Variants in TMEM272 observed in about 807,000 individuals in gnomAD.
TMEM272 encodes the protein long intergenic non-protein coding RNA 282.
TMEM272 carries 8 observed loss-of-function variants against 3.7 expected under a neutral mutation model. That is an observed-to-expected ratio of 2.17 (90% confidence interval 1.27 to 3.91). The LOEUF (loss-of-function observed/expected upper bound fraction) is 3.91, where lower values mean the gene tolerates loss of function less well. TMEM272 is among the 30% of genes most tolerant of loss of function. The probability of loss-of-function intolerance (pLI) is 0.00; values close to 1 mark genes in which losing one functional copy is unlikely to be tolerated. For synonymous variants in TMEM272, 63 were observed against 39.8 expected, an observed-to-expected ratio of 1.58 and a Z score of -2.20; for missense variants, 166 against 91.5, an observed-to-expected ratio of 1.81 and a Z score of -3.32.
chr13:51,917,209 G>A, the TMEM272 span, among the ~76,000 whole-genome samples: 1 of 152,218 alleles, frequency 6.6e-6, no homozygotes, highest in Non-Finnish European at 1.5e-5. Context: ...TGACTTGCCA[G>A]TGGACCAGCG....
At chr13:51,888,237 T>G in the TMEM272 span, among the ~76,000 whole-genome samples, 1 of 151,994 alleles carries the variant, frequency 6.6e-6, no homozygotes, top group Non-Finnish European at 1.5e-5. Flanking sequence ...GTAGTGACGG[T>G]GTTTCACCAT....
chr13:51,881,300 C>G, the TMEM272 span, among the ~76,000 whole-genome samples: 1 of 151,856 alleles, frequency 6.6e-6, no homozygotes, highest in Non-Finnish European at 1.5e-5. Flanking sequence ...ATATTAACAG[C>G]CTGAAAGGTT....
chr13:51,845,528 T>A (rs1203208274), upstream of TMEM272, among the ~76,000 whole-genome samples: 9 of 151,558 alleles, frequency 5.9e-5, no homozygotes, highest in South Asian at 1.5e-3. Context: ...TAATGAGAGG[T>A]GCCCTATGGA....
chr13:51,825,490 C>T (rs1956116546), intron 3 of TMEM272, among the ~76,000 whole-genome samples: 1 of 152,180 alleles, frequency 6.6e-6, no homozygotes, highest in Admixed American at 6.5e-5. Context: ...AGGAAGGCTC[C>T]TACCCATTAA....
chr13:51,919,388 T>C, the TMEM272 span, among the ~76,000 whole-genome samples: 8 of 152,302 alleles, frequency 5.3e-5, no homozygotes, highest in East Asian at 1.3e-3. Context: ...CAAATATAGC[T>C]GAAGGCCCCG....
At chr13:51,831,167 T>A (rs767262765) in intron 2 of TMEM272, among the ~76,000 whole-genome samples, 1 of 152,196 alleles carries the variant, frequency 6.6e-6, no homozygotes, top group Admixed American at 6.5e-5. Flanking sequence ...CACACCTGTA[T>A]TTCCGGCATT....
At chr13:51,838,607 C>A (rs1462106040) in intron 1 of TMEM272, 54 bp from the exon 2 acceptor site, 2 of 702,764 alleles carry the variant, frequency 2.8e-6, no homozygotes, top group African/African-American at 3.5e-5. Flanking sequence ...TTACTCAGCA[C>A]CAATAACCAA....
At chr13:51,922,765 C>T in the TMEM272 span, among the ~76,000 whole-genome samples, 2 of 152,194 alleles carry the variant, frequency 1.3e-5, no homozygotes, top group African/African-American at 4.8e-5. Context: ...ATCTATTCCT[C>T]GCCTCTTCCA....
At chr13:51,929,581 G>A in the TMEM272 span, among the ~76,000 whole-genome samples, 2 of 152,182 alleles carry the variant, frequency 1.3e-5, no homozygotes, top group African/African-American at 2.4e-5. Context: ...TCCACATAAG[G>A]GGACCAAGGG....
At chr13:51,826,266 T>C (rs1455066004) in intron 3 of TMEM272, among the ~76,000 whole-genome samples, 1 of 152,106 alleles carries the variant, frequency 6.6e-6, no homozygotes, top group Non-Finnish European at 1.5e-5. Flanking sequence ...GGGAAACCTC[T>C]AGCCCAGTCA....
chr13:51,930,763 A>C, the TMEM272 span, among the ~76,000 whole-genome samples: 13 of 151,626 alleles, frequency 8.6e-5, no homozygotes, highest in Non-Finnish European at 1.3e-4. Flanking sequence ...AAAAAAAAAA[A>C]CCCCTGCAAT....
chr13:51,835,037 C>T (rs1420069346), intron 2 of TMEM272, among the ~76,000 whole-genome samples: 1 of 151,984 alleles, frequency 6.6e-6, no homozygotes. Flanking sequence ...CCCCAAGTGG[C>T]TTGCTGGGAT....
At chr13:51,863,754 C>G in the TMEM272 span, among the ~76,000 whole-genome samples, 2 of 151,842 alleles carry the variant, frequency 1.3e-5, no homozygotes, top group Non-Finnish European at 2.9e-5. Context: ...GTTCCTAAAC[C>G]AGAAATGGAA....
chr13:51,896,025 A>G, the TMEM272 span, among the ~76,000 whole-genome samples: 6 of 152,282 alleles, frequency 3.9e-5, no homozygotes, highest in East Asian at 1.2e-3. Flanking sequence ...TTTTCTGTGG[A>G]CAATGCCTGC....
chr13:51,904,754 A>G, the TMEM272 span, among the ~76,000 whole-genome samples: 2 of 152,020 alleles, frequency 1.3e-5, no homozygotes, highest in African/African-American at 4.8e-5. Context: ...GGAATGCTCA[A>G]CCAGCAAATA....
At chr13:51,822,959 A>C (rs1791280556) in intron 3 of TMEM272, among the ~76,000 whole-genome samples, 1 of 152,236 alleles carries the variant, frequency 6.6e-6, no homozygotes, top group African/African-American at 2.4e-5. Context: ...GCTCCAGATG[A>C]ATTCTAACAC....
chr13:51,872,399 AAGAG>A, the TMEM272 span, among the ~76,000 whole-genome samples: 3 of 150,648 alleles, frequency 2.0e-5, no homozygotes, highest in Non-Finnish European at 4.4e-5. Context: ...GAAGTTTAAG[AAGAG>A]AGAGAGAGAG....
chr13:51,834,646 C>T (rs537882647), intron 2 of TMEM272, among the ~76,000 whole-genome samples: 2 of 152,236 alleles, frequency 1.3e-5, no homozygotes, highest in African/African-American at 2.4e-5. Flanking sequence ...CCTAGAGTCA[C>T]GGTTCCTTCA....
At chr13:51,842,011 T>C (rs1393155654) in intron 1 of TMEM272, among the ~76,000 whole-genome samples, 1 of 152,024 alleles carries the variant, frequency 6.6e-6, no homozygotes, top group Non-Finnish European at 1.5e-5. Context: ...TGTGTTCAAC[T>C]TCCCTTACAA....
Sources: allele counts gnomAD v4.1 joint callset (sites outside exome capture counted in the v4.1 genomes callset), GRCh38; gene constraint gnomAD v4.1.1; transcripts MANE v1.5; gene names NCBI Gene and HGNC (gene_info 2026-07-23, HGNC 2026-07-21).